The following NEGR1 variants were observed in gnomAD, a reference collection of about 807,000 sequenced individuals.
The protein encoded by NEGR1 is IgLON family member 4.
A neutral mutation model predicts 40.9 loss-of-function variants in NEGR1; 10 were observed. That is an observed-to-expected ratio of 0.24 (90% CI 0.15 to 0.42). The LOEUF (loss-of-function observed/expected upper bound fraction) is 0.42. Ranked by LOEUF, NEGR1 falls within the 10% of genes least tolerant of loss-of-function variation. The pLI is 1.00. For synonymous variants in NEGR1, 185 were observed against 166.8 expected (o/e 1.11, Z -0.84); for missense variants, 352 against 438.9 (o/e 0.80, Z 1.77).
At chr1:72,071,429 G>T (rs1292712422) in intron 1 of NEGR1, among the ~76,000 whole-genome samples, 1 of 151,946 alleles carries the variant, frequency 6.6e-6, no homozygotes, top group Non-Finnish European at 1.5e-5. Context: ...TCCCAAATTA[G>T]GTCAGTACAT....
rs145707573 is a variant in NEGR1, at chr1:72,248,403, G to A, written c.176+33916C>T. 1.5e-4 allele frequency among the ~76,000 whole-genome samples: 22 copies of A among 151,718 alleles called. No homozygotes were observed. The East Asian group carries it at 3.7e-3, about 26-fold the overall frequency. On this transcript the variant is annotated intron_variant, in intron 1 of 6. Coordinates refer to ENST00000357731, the MANE Select transcript of NEGR1 (RefSeq NM_173808.3). ...CTCCCGAGTAGCTAGGATTATTGGC[G>A]CTTGTCACCACGCCTGGCTAATATT... is the stretch of plus-strand genomic sequence containing the variant.
intron 1 of NEGR1, among the ~76,000 whole-genome samples, chr1:72,095,622 C>T (rs1025639288): frequency 6.6e-6 from 1 of 152,022 alleles, no homozygotes; most frequent in Non-Finnish European, 1.5e-5. Flanking sequence ...ACCTCTCCTT[C>T]CCCATGTCAT....
intron 1 of NEGR1, among the ~76,000 whole-genome samples, chr1:72,276,529 A>G (rs1456826840): frequency 6.6e-6 from 1 of 152,128 alleles, no homozygotes; most frequent in East Asian, 1.9e-4. Flanking sequence ...ATATTTTCCT[A>G]CTGAAATTAT....
intron 5 of NEGR1, among the ~76,000 whole-genome samples, chr1:71,598,579 C>T (rs985201417): frequency 7.9e-5 from 12 of 152,182 alleles, no homozygotes; most frequent in African/African-American, 7.2e-5. Flanking sequence ...CCTGCTCACA[C>T]TCTCTCCAAC....
At chr1:71,628,719 C>T (rs1650871332) in intron 4 of NEGR1, among the ~76,000 whole-genome samples, 1 of 152,044 alleles carries the variant, frequency 6.6e-6, no homozygotes, top group Non-Finnish European at 1.5e-5. Context: ...CCAGCTTCAT[C>T]CCTGTCCCTG....
intron 4 of NEGR1, among the ~76,000 whole-genome samples, chr1:71,647,824 A>G (rs1214588691): frequency 6.6e-6 from 1 of 151,980 alleles, no homozygotes; most frequent in African/African-American, 2.4e-5. Flanking sequence ...CTTCATACCT[A>G]CAAACATTAA....
chr1:71,783,997 T>G (rs1320816254), intron 2 of NEGR1, among the ~76,000 whole-genome samples: 3 of 152,170 alleles, frequency 2.0e-5, no homozygotes, highest in Admixed American at 6.6e-5. Context: ...AAAGACTTAT[T>G]CCCAAGGTGT....
At chr1:72,015,762 T>A (rs762554626) in intron 1 of NEGR1, among the ~76,000 whole-genome samples, 2 of 152,166 alleles carry the variant, frequency 1.3e-5, no homozygotes, top group South Asian at 2.1e-4. Context: ...TCTGCCATAA[T>A]GTAAAAGAGT....
At chr1:71,655,021 A>ATT (rs1428654199) in intron 4 of NEGR1, among the ~76,000 whole-genome samples, 1 of 152,138 alleles carries the variant, frequency 6.6e-6, no homozygotes, top group East Asian at 1.9e-4. Context: ...GTCAGTTGAA[A>ATT]TTTCAGTTCT....
intron 1 of NEGR1, among the ~76,000 whole-genome samples, chr1:72,023,902 A>G (rs1407431369): frequency 6.6e-6 from 1 of 152,148 alleles, no homozygotes; most frequent in Non-Finnish European, 1.5e-5. Context: ...CTGTTTAAAC[A>G]AAAGAATAAT....
At chr1:71,697,277 T>C (rs1382219594) in intron 4 of NEGR1, among the ~76,000 whole-genome samples, 1 of 151,838 alleles carries the variant, frequency 6.6e-6, no homozygotes, top group Non-Finnish European at 1.5e-5. Context: ...GGTATTTTAT[T>C]GGAAGAAGTT....
chr1:71,678,099 TA>T (rs1346691279), intron 4 of NEGR1, among the ~76,000 whole-genome samples: 1 of 151,132 alleles, frequency 6.6e-6, no homozygotes, highest in Non-Finnish European at 1.5e-5. Flanking sequence ...TAGGGCATGG[TA>T]AAAAAAAGAA....
chr1:72,211,571 T>C (rs1653608789), intron 1 of NEGR1, among the ~76,000 whole-genome samples: 1 of 151,114 alleles, frequency 6.6e-6, no homozygotes, highest in African/African-American at 2.4e-5. Context: ...TAAGTAGATA[T>C]GCAAAAAATG....
chr1:72,085,355 C>T (rs919627773), intron 1 of NEGR1, among the ~76,000 whole-genome samples: 46 of 152,050 alleles, frequency 3.0e-4, no homozygotes, highest in African/African-American at 9.2e-4. Context: ...AAATAATATT[C>T]CAGAGTTAAT....
intron 3 of NEGR1, among the ~76,000 whole-genome samples, chr1:71,759,287 CTTT>C (rs759687500): frequency 1.8e-4 from 15 of 85,208 alleles, no homozygotes; most frequent in East Asian, 1.3e-3. Flanking sequence ...AAGATTATAA[CTTT>C]TTTTTTTTTT....
chr1:71,704,257 C>T (rs1653812370), intron 3 of NEGR1, among the ~76,000 whole-genome samples: 1 of 146,822 alleles, frequency 6.8e-6, no homozygotes, highest in African/African-American at 2.5e-5. Context: ...AAAGAAAGAA[C>T]AAATAAAAGC....
intron 2 of NEGR1, among the ~76,000 whole-genome samples, chr1:71,777,654 T>C (rs990121711): frequency 1.3e-5 from 2 of 152,098 alleles, no homozygotes; most frequent in Non-Finnish European, 2.9e-5. Context: ...GCAAGAGACA[T>C]GTTTTCACGA....
At chr1:71,967,537 C>G (rs56081308) in intron 1 of NEGR1, among the ~76,000 whole-genome samples, 18,084 of 152,076 alleles carry the variant, frequency 0.12, 1,114 homozygotes, top group South Asian at 0.18. Context: ...TAGAGACATA[C>G]ATGATTATAA....
chr1:71,708,794 T>A (rs1025939836), intron 3 of NEGR1, among the ~76,000 whole-genome samples: 2 of 152,160 alleles, frequency 1.3e-5, no homozygotes, highest in African/African-American at 4.8e-5. Flanking sequence ...TATGCATCCA[T>A]GTGTTCTCAC....
Sources: allele counts gnomAD v4.1 joint callset (sites outside exome capture counted in the v4.1 genomes callset), GRCh38; gene constraint gnomAD v4.1.1; transcripts MANE v1.5; gene names NCBI Gene and HGNC (gene_info 2026-07-23, HGNC 2026-07-21).